The following ZNF423 variants were observed in gnomAD, a reference collection of about 807,000 sequenced individuals.
ZNF423 encodes zinc finger protein 423, also known as Ebf-associated zinc finger protein.
In ZNF423, 12 loss-of-function variants were observed where a neutral mutation model predicts 95.8. The observed-to-expected ratio is 0.13, with a 90% CI of 0.08 to 0.20. The LOEUF (loss-of-function observed/expected upper bound fraction) is 0.20, where lower values mean the gene tolerates loss of function less well. ZNF423 is among the 10% of genes least tolerant of loss of function. ZNF423 has a pLI of 1.00. For missense variants in ZNF423, 1,316 were observed against 1,737.1 expected, an observed-to-expected ratio of 0.76 and a Z score of 4.31; for synonymous variants, 749 against 711.9, an observed-to-expected ratio of 1.05 and a Z score of -0.83.
intron 7 of ZNF423, among the ~76,000 whole-genome samples, chr16:49,508,665 C>T (rs1052776371): frequency 1.3e-5 from 2 of 152,090 alleles, no homozygotes; most frequent in African/African-American, 4.8e-5. Context: ...TTGTGCGTCC[C>T]TTCTCCCCTA....
chr16:49,772,327 T>A (rs1287334915), intron 2 of ZNF423, among the ~76,000 whole-genome samples: 1 of 152,234 alleles, frequency 6.6e-6, no homozygotes, highest in East Asian at 1.9e-4. Flanking sequence ...CCTGCACCGG[T>A]GAGAGCCGTC....
At chr16:49,808,056 CTTTCT>C (rs1209311910) in intron 1 of ZNF423, among the ~76,000 whole-genome samples, 2 of 144,818 alleles carry the variant, frequency 1.4e-5, no homozygotes, top group African/African-American at 5.5e-5. Flanking sequence ...AACAATTTTT[CTTTCT>C]TTTTTTTTTT....
At position 49,552,062 on chromosome 16, in the gene ZNF423, G is replaced by A. The variant is rs113105178; in HGVS notation, c.3602-26568C>T. 4.9e-4 allele frequency among the ~76,000 whole-genome samples: 74 copies of A among 152,204 alleles called. 1 individual carries two copies. Among genetic ancestry groups the A allele is most frequent in the African/African-American group, 1.8e-3 (73 of 41,434 alleles). ...GCTTTTGGCTTCTCTTGAAAACTCA[G>A]AACATCTGGACTCTCCCAGATGCAA... On this transcript the variant is annotated intron_variant, in intron 5 of 7. Coordinates refer to ENST00000563137, the MANE Select transcript of ZNF423 (RefSeq NM_001379286.1).
At chr16:49,744,149 C>T (rs1476226502) in intron 2 of ZNF423, among the ~76,000 whole-genome samples, 8 of 152,210 alleles carry the variant, frequency 5.3e-5, no homozygotes, top group African/African-American at 1.4e-4. Context: ...GCCGACTTCC[C>T]GTCAGTCCCC....
At chr16:49,662,722 G>A (rs1258644867) in intron 3 of ZNF423, among the ~76,000 whole-genome samples, 3 of 152,194 alleles carry the variant, frequency 2.0e-5, no homozygotes, top group African/African-American at 4.8e-5. Flanking sequence ...GTGACAAGGC[G>A]ACACTTGAGC....
chr16:49,640,229 G>A (rs573655345), intron 3 of ZNF423, among the ~76,000 whole-genome samples: 1 of 152,224 alleles, frequency 6.6e-6, no homozygotes, highest in African/African-American at 2.4e-5. Context: ...AAGGGATGGG[G>A]CAGGCGCACC....
intron 1 of ZNF423, among the ~76,000 whole-genome samples, chr16:49,811,394 T>TG (rs1351244745): frequency 1.3e-5 from 2 of 151,892 alleles, no homozygotes; most frequent in Non-Finnish European, 2.9e-5. Context: ...AAATAAACAC[T>TG]GGGGGTGGAG....
intron 3 of ZNF423, among the ~76,000 whole-genome samples, chr16:49,650,372 A>G (rs1411167763): frequency 1.3e-5 from 2 of 152,204 alleles, no homozygotes; most frequent in Non-Finnish European, 2.9e-5. Flanking sequence ...AAAAGTAACT[A>G]CCTTACAAAG....
chr16:49,699,104 G>A (rs941492075), intron 3 of ZNF423, among the ~76,000 whole-genome samples: 1 of 152,188 alleles, frequency 6.6e-6, no homozygotes, highest in Non-Finnish European at 1.5e-5. Context: ...CACCTCCTCT[G>A]CCAAGGAGCC....
At chr16:49,757,483 G>C (rs2033748880) in intron 2 of ZNF423, among the ~76,000 whole-genome samples, 1 of 152,210 alleles carries the variant, frequency 6.6e-6, no homozygotes, top group African/African-American at 2.4e-5. Flanking sequence ...CAGGACATGA[G>C]GAGCACCTGC....
intron 5 of ZNF423, among the ~76,000 whole-genome samples, chr16:49,608,704 A>G (rs1971620172): frequency 6.6e-6 from 1 of 152,164 alleles, no homozygotes; most frequent in African/African-American, 2.4e-5. Context: ...TTAAGCCTTA[A>G]CCAAACCCCA....
At chr16:49,683,697 C>T (rs1398829648) in intron 3 of ZNF423, among the ~76,000 whole-genome samples, 1 of 152,186 alleles carries the variant, frequency 6.6e-6, no homozygotes, top group Non-Finnish European at 1.5e-5. Flanking sequence ...AACACTTGAC[C>T]CACACCTAGC....
At chr16:49,753,734 G>A (rs1020748577) in intron 2 of ZNF423, among the ~76,000 whole-genome samples, 2 of 152,204 alleles carry the variant, frequency 1.3e-5, no homozygotes, top group Non-Finnish European at 2.9e-5. Flanking sequence ...AATGGCACGA[G>A]GAAGCCAGGC....
intron 2 of ZNF423, among the ~76,000 whole-genome samples, chr16:49,765,616 A>G (rs1466139200): frequency 6.6e-6 from 1 of 152,088 alleles, no homozygotes; most frequent in African/African-American, 2.4e-5. Context: ...GTTACTTGGG[A>G]AGCTGAGGCA....
chr16:49,767,152 C>A (rs983487408), intron 2 of ZNF423, among the ~76,000 whole-genome samples: 1 of 151,954 alleles, frequency 6.6e-6, no homozygotes, highest in Non-Finnish European at 1.5e-5. Flanking sequence ...GATGGGGTCT[C>A]GCTATGCTGC....
chr16:49,494,145 C>A (rs773686974), intron 7 of ZNF423, among the ~76,000 whole-genome samples: 1 of 152,204 alleles, frequency 6.6e-6, no homozygotes, highest in Admixed American at 6.5e-5. Flanking sequence ...GGAACCCACA[C>A]CTGGGACCAC....
intron 3 of ZNF423, among the ~76,000 whole-genome samples, chr16:49,686,096 G>C (rs2031552722): frequency 6.6e-6 from 1 of 152,154 alleles, no homozygotes; most frequent in Admixed American, 6.5e-5. Context: ...GATAAACGTA[G>C]CTATTTATGG....
chr16:49,664,257 C>A, intron 3 of ZNF423: 2 of 985,556 alleles, frequency 2.0e-6, no homozygotes, highest in Non-Finnish European at 2.4e-6. Context: ...CCCCACCCGG[C>A]CGCCTGGGCC....
At chr16:49,649,260 G>A (rs1030800110) in intron 3 of ZNF423, among the ~76,000 whole-genome samples, 4 of 152,180 alleles carry the variant, frequency 2.6e-5, no homozygotes, top group Non-Finnish European at 5.9e-5. Flanking sequence ...TCAGATTCCA[G>A]AACTGTGTAA....
Sources: allele counts gnomAD v4.1 joint callset (sites outside exome capture counted in the v4.1 genomes callset), GRCh38; gene constraint gnomAD v4.1.1; transcripts MANE v1.5; gene names NCBI Gene and HGNC (gene_info 2026-07-23, HGNC 2026-07-21).